Variants in CMIP observed in about 807,000 individuals in gnomAD.
The protein encoded by CMIP is c-Maf inducing protein.
CMIP carries 13 observed loss-of-function variants against 97.3 expected under a neutral mutation model. The observed-to-expected ratio is 0.13, with a 90% CI of 0.09 to 0.21. The LOEUF is 0.21. Ranked by LOEUF, CMIP falls within the 10% of genes least tolerant of loss-of-function variation. The probability of loss-of-function intolerance (pLI) is 1.00; values close to 1 mark genes in which losing one functional copy is unlikely to be tolerated. For missense variants in CMIP, 847 were observed against 1,024.9 expected (o/e 0.83, Z 2.37); for synonymous variants, 538 against 436.3 (o/e 1.23, Z -2.91).
intron 1 of CMIP, among the ~76,000 whole-genome samples, chr16:81,468,710 A>G (rs1597454726): frequency 6.6e-6 from 1 of 152,194 alleles, no homozygotes; most frequent in Non-Finnish European, 1.5e-5. Context: ...CAGGGTGGGC[A>G]CTCGTGGGAA....
chr16:81,465,386 T>A (rs560625216), intron 1 of CMIP, among the ~76,000 whole-genome samples: 11 of 152,330 alleles, frequency 7.2e-5, no homozygotes, highest in African/African-American at 2.4e-4. Flanking sequence ...GGACTTTCAC[T>A]ACCACCAGGT....
chr16:81,602,562 C>T (rs2091675370), intron 1 of CMIP, among the ~76,000 whole-genome samples: 2 of 152,360 alleles, frequency 1.3e-5, no homozygotes, highest in African/African-American at 4.8e-5. Flanking sequence ...ATTCCCATCA[C>T]CCCCAAGAGT....
intron 1 of CMIP, among the ~76,000 whole-genome samples, chr16:81,589,253 C>T (rs1051360123): frequency 6.6e-6 from 1 of 152,042 alleles, no homozygotes; most frequent in African/African-American, 2.4e-5. Context: ...TGCACCACCA[C>T]ACCCGGGTAA....
rs1041794307 is a variant in CMIP, at chr16:81,453,621, G to A, written c.300+8080G>A. 6.6e-6 allele frequency among the ~76,000 whole-genome samples: 1 copy of A among 152,238 alleles called. No homozygotes were observed. Among genetic ancestry groups the A allele is most frequent in the African/African-American group, 2.4e-5 (1 of 41,460 alleles). On this transcript the variant is annotated intron_variant, in intron 1 of 20. Coordinates refer to ENST00000537098, the MANE Select transcript of CMIP (RefSeq NM_198390.3). The surrounding 1 kb of genome is among the most constrained non-coding windows in gnomAD (Gnocchi z 4.0). ...ACCGGTGCGAGGCTCTGCAGGGAAG[G>A]AGAGCCACGGGTATGGAAGGGGCTG...
chr16:81,526,764 A>C (rs2090141536), intron 1 of CMIP, among the ~76,000 whole-genome samples: 1 of 152,250 alleles, frequency 6.6e-6, no homozygotes, highest in Non-Finnish European at 1.5e-5. Flanking sequence ...GGGAGGGGTC[A>C]CAGTGAAGGC....
chr16:81,709,341 C>A (rs1479769738), intron 20 of CMIP, among the ~76,000 whole-genome samples: 2 of 152,186 alleles, frequency 1.3e-5, no homozygotes, highest in Non-Finnish European at 2.9e-5. Context: ...GTATTTAACC[C>A]CTAGCACCAT....
At position 81,710,830 on chromosome 16, in the gene CMIP, C is replaced by G. The variant is rs1908685886; in HGVS notation, c.*1031C>G. On this transcript the variant is annotated 3_prime_UTR_variant, in exon 21 of 21. Transcript: ENST00000537098. The stretch of plus-strand genomic sequence containing the variant: ...AGTCCACCCCGGTAAAAGAGCTGTT[C>G]CCCACCCCCAGGGAGCTCCTGTCCC... The G allele has an allele frequency of 6.6e-6, 1 of 152,082 alleles. No homozygotes were observed. Among genetic ancestry groups the G allele is most frequent in the South Asian group, 2.1e-4 (1 of 4,836 alleles). The allele number at this position is 152,082 out of a possible 1,614,324, so 9.4% of individuals were successfully genotyped here.
chr16:81,664,844 G>A (rs1284723939), intron 7 of CMIP: 5 of 213,924 alleles, frequency 2.3e-5, no homozygotes, highest in Non-Finnish European at 3.7e-5. Flanking sequence ...TCCCTTCATA[G>A]GACGTATAAA....
intron 1 of CMIP, among the ~76,000 whole-genome samples, chr16:81,538,373 C>G (rs1008574668): frequency 1.1e-4 from 16 of 152,210 alleles, no homozygotes; most frequent in African/African-American, 3.9e-4. Context: ...GAATTTCACT[C>G]TAAGGGGTTG....
intron 1 of CMIP, among the ~76,000 whole-genome samples, chr16:81,600,082 C>T (rs2091632173): frequency 6.6e-6 from 1 of 151,888 alleles, no homozygotes; most frequent in Non-Finnish European, 1.5e-5. Context: ...AGTTCAAGAG[C>T]ATCCTGACCA....
intron 15 of CMIP, among the ~76,000 whole-genome samples, 156 bp downstream of exon 15, chr16:81,699,957 G>A (rs971961409): frequency 6.6e-6 from 1 of 152,132 alleles, no homozygotes; most frequent in Non-Finnish European, 1.5e-5. Context: ...TGGGAGCCTC[G>A]AGCCTTCATC....
At chr16:81,447,565 C>T (rs910770780) in intron 1 of CMIP, among the ~76,000 whole-genome samples, 3 of 152,214 alleles carry the variant, frequency 2.0e-5, no homozygotes, top group Non-Finnish European at 4.4e-5. Flanking sequence ...GTGGGCCTTT[C>T]CGGAAAGCAC....
intron 1 of CMIP, among the ~76,000 whole-genome samples, chr16:81,565,548 G>A (rs1010769563): frequency 5.9e-5 from 9 of 152,214 alleles, no homozygotes; most frequent in African/African-American, 2.2e-4. Flanking sequence ...TCCCCCAGAA[G>A]GAACCCATAT....
intron 1 of CMIP, among the ~76,000 whole-genome samples, chr16:81,494,915 CA>C (rs748834313): frequency 1.3e-5 from 2 of 152,348 alleles, no homozygotes; most frequent in Non-Finnish European, 2.9e-5. Context: ...GTGAGTTGGG[CA>C]CCAGTATCGC....
intron 3 of CMIP, among the ~76,000 whole-genome samples, chr16:81,636,191 C>T (rs1162055541): frequency 7.2e-6 from 1 of 139,152 alleles, no homozygotes. Flanking sequence ...ATGAATTTTT[C>T]AAAGAACATG....
intron 1 of CMIP, among the ~76,000 whole-genome samples, chr16:81,457,470 C>T (rs1398487939): frequency 6.6e-6 from 1 of 152,164 alleles, no homozygotes; most frequent in Admixed American, 6.5e-5. Context: ...TAAATGAGTG[C>T]GTGTGGCATA....
Position 81,701,770 on chromosome 16 carries a change from G to C in CMIP, c.1866G>C (p.Leu622=). ...TGGGGAAGCGCATGTACGAGCAGCT[G>C]TGTGACCGGCAGCGGGAGCTGAAGG... The part of the protein sequence containing the change: ...TDVGKRMYEQ[L]CDRQRELKEL... Residue 622 remains leucine, a synonymous_variant, in exon 16 of 21, where the codon CTG becomes CTC. Transcript: ENST00000537098. The C allele has an allele frequency of 6.2e-7, 1 of 1,613,790 alleles. No homozygotes were observed. The highest frequency in any genetic ancestry group is 8.5e-7 in the Non-Finnish European group (1 of 1,179,878).
intron 6 of CMIP, among the ~76,000 whole-genome samples, chr16:81,661,432 G>A (rs1233456098): frequency 6.6e-6 from 1 of 152,240 alleles, no homozygotes; most frequent in Admixed American, 6.5e-5. Flanking sequence ...ACATGTCCAG[G>A]GCACATCTTT....
At chr16:81,470,427 G>A (rs932644424) in intron 1 of CMIP, among the ~76,000 whole-genome samples, 3 of 152,204 alleles carry the variant, frequency 2.0e-5, no homozygotes, top group Non-Finnish European at 2.9e-5. Flanking sequence ...CACAGAGGCC[G>A]GGTCACAGAG....
Sources: gnomAD v4.1 joint callset for allele counts (sites outside exome capture counted in the v4.1 genomes callset) on GRCh38, gnomAD v4.1.1 for gene constraint, Gnocchi (gnomAD v3.1) non-coding constraint, MANE v1.5 for transcripts, NCBI Gene and HGNC (gene_info 2026-07-23, HGNC 2026-07-21) for gene names.